The following RRAGB variants were observed in gnomAD, a reference collection of about 807,000 sequenced individuals.
RRAGB encodes the protein ras-related GTP-binding protein B.
RRAGB carries 6 observed loss-of-function variants against 29.3 expected under a neutral mutation model. That is an observed-to-expected ratio of 0.21 (90% CI 0.11 to 0.40). The LOEUF (loss-of-function observed/expected upper bound fraction) is 0.40. Among genes scored for constraint, RRAGB ranks in the 10% least tolerant of loss-of-function variants. The probability of loss-of-function intolerance (pLI) is 1.00; values close to 1 mark genes in which losing one functional copy is unlikely to be tolerated. For missense variants in RRAGB, 184 were observed against 272.9 expected (o/e 0.67, Z 2.29); for synonymous variants, 101 against 92.5 (o/e 1.09, Z -0.53).
intron 5 of RRAGB, among the ~76,000 whole-genome samples, chrX:55,741,668 G>A (rs905947313): frequency 1.8e-5 from 2 of 111,501 alleles, no homozygotes; most frequent in Non-Finnish European, 3.8e-5. Flanking sequence ...AGAAAGACAG[G>A]AAGAGACACA....
At chrX:55,739,518 T>C (rs906636372) in intron 5 of RRAGB, among the ~76,000 whole-genome samples, 7 of 111,988 alleles carry the variant, frequency 6.3e-5, no homozygotes, top group Non-Finnish European at 1.3e-4. Flanking sequence ...ACTGCAGTGC[T>C]GGGTAGGGTT....
chrX:55,748,440 C>T (rs1316255565), intron 5 of RRAGB, among the ~76,000 whole-genome samples: 2 of 108,651 alleles, frequency 1.8e-5, no homozygotes, highest in African/African-American at 3.4e-5. Flanking sequence ...TCTTCCCGGC[C>T]GCCATCCCAT....
intron 6 of RRAGB, among the ~76,000 whole-genome samples, chrX:55,752,768 T>C (rs2034557412): frequency 8.9e-6 from 1 of 112,048 alleles, no homozygotes; most frequent in South Asian, 3.7e-4. Context: ...CTTACATTAG[T>C]CATACTCCTG....
At chrX:55,729,872 G>A (rs1476126675) in intron 4 of RRAGB, among the ~76,000 whole-genome samples, 1 of 112,407 alleles carries the variant, frequency 8.9e-6, no homozygotes, top group Non-Finnish European at 1.9e-5. Flanking sequence ...TACACACACT[G>A]TGGATGTATG....
At chrX:55,755,436 T>C (rs1015298363) in intron 7 of RRAGB, 1 of 746,747 alleles carries the variant, frequency 1.3e-6, no homozygotes, top group South Asian at 6.9e-5. Context: ...GCTTGGCCTT[T>C]ATTAAAATTA....
chrX:55,756,035 T>C (rs1160201445), intron 8 of RRAGB, 103 bp downstream of exon 8: 3 of 531,193 alleles, frequency 5.6e-6, no homozygotes, highest in Non-Finnish European at 9.0e-6. Flanking sequence ...ATATTCAGAA[T>C]AGTTCCTTCA....
At chrX:55,718,619 A>G (rs1403268899) in intron 1 of RRAGB, among the ~76,000 whole-genome samples, 200 bp downstream of exon 1, 3 of 112,027 alleles carry the variant, frequency 2.7e-5, no homozygotes, top group African/African-American at 9.7e-5. Context: ...AACCCTTGGG[A>G]AGGGGCTGAT....
chrX:55,722,467 G>T (rs1473760), intron 3 of RRAGB, among the ~76,000 whole-genome samples, 182 bp downstream of exon 3: 36,088 of 110,251 alleles, frequency 0.33, 4,673 homozygotes, highest in Middle Eastern at 0.47. Context: ...ACTGCTTGCT[G>T]TCTTGGGGGA....
At chrX:55,740,678 G>C (rs768389821) in intron 5 of RRAGB, among the ~76,000 whole-genome samples, 4 of 111,606 alleles carry the variant, frequency 3.6e-5, no homozygotes, top group Non-Finnish European at 7.5e-5. Flanking sequence ...TGTGCGGTCG[G>C]GTGTTGTCAT....
chrX:55,754,623 T>C (rs2034612173), intron 7 of RRAGB, among the ~76,000 whole-genome samples: 1 of 112,366 alleles, frequency 8.9e-6, no homozygotes, highest in Non-Finnish European at 1.9e-5. Context: ...CACAGGAACA[T>C]TGAGCACCCA....
chrX:55,720,042 AG>A (rs1250009149), intron 2 of RRAGB, among the ~76,000 whole-genome samples: 2 of 112,476 alleles, frequency 1.8e-5, no homozygotes, highest in African/African-American at 6.5e-5. Context: ...AGCCTTGGTA[AG>A]TCTTTCATAG....
At chrX:55,719,278 G>A in intron 1 of RRAGB, 36 bp from the exon 2 acceptor site, 1 of 1,140,542 alleles carries the variant, frequency 8.8e-7, no homozygotes, top group Middle Eastern at 2.4e-4. Flanking sequence ...TAAGGGAATT[G>A]GATCATGGAA....
At chrX:55,725,475 TC>T (rs2033445446) in intron 3 of RRAGB, among the ~76,000 whole-genome samples, 1 of 112,154 alleles carries the variant, frequency 8.9e-6, no homozygotes, top group African/African-American at 3.2e-5. Flanking sequence ...TTGATAGTCC[TC>T]TTTATGTAGT....
At chrX:55,757,451 A>G (rs891450023) in intron 9 of RRAGB, 120 bp downstream of exon 9, 20 of 346,004 alleles carry the variant, frequency 5.8e-5, no homozygotes, top group Non-Finnish European at 5.2e-6. Flanking sequence ...TTACATAACA[A>G]TGTGAGGGCA....
At chrX:55,749,188 G>C (rs1218849886) in intron 5 of RRAGB, among the ~76,000 whole-genome samples, 5 of 93,114 alleles carry the variant, frequency 5.4e-5, no homozygotes, top group African/African-American at 1.6e-4. Flanking sequence ...AGGGAAGTGG[G>C]GGGGGTCAGC....
chrX:55,757,415 TA>T (rs2034685598), intron 9 of RRAGB, 84 bp downstream of exon 9: 1 of 466,034 alleles, frequency 2.1e-6, no homozygotes, highest in South Asian at 6.1e-5. Flanking sequence ...ATTAGATACT[TA>T]AAAGCTATTT....
At position 55,731,567 on chromosome X, in the gene RRAGB, A is replaced by G; in HGVS notation, c.497A>G (p.Gln166Arg). The part of the protein sequence containing the change: ...FCLVHKMDLV[Q>R]EDQRDLIFKE... The stretch of plus-strand genomic sequence containing the variant: ...TTGGTACACAAAATGGATCTGGTAC[A>G]GGAGGATCAACGGGACCTGGTAAGA... The change falls in exon 5 of 10, where the codon CAG (glutamine) becomes CGG (arginine). Residue 166 changes from glutamine to arginine, a missense_variant. Gln to Arg is a conservative substitution (Grantham distance 43, BLOSUM62 1). Transcript: ENST00000374941. 2.5e-6 allele frequency: 3 copies of G among 1,194,281 alleles called. No homozygotes were observed. Among genetic ancestry groups the G allele is most frequent in the Non-Finnish European group, 2.3e-6 (2 of 883,967 alleles).
intron 5 of RRAGB, among the ~76,000 whole-genome samples, chrX:55,732,039 T>C (rs1481398707): frequency 8.9e-6 from 1 of 112,086 alleles, no homozygotes; most frequent in Non-Finnish European, 1.9e-5. Flanking sequence ...ATTTCACTGA[T>C]TTACTAGATT....
Position 55,758,272 on chromosome X carries a change from C to T in RRAGB, c.970C>T (p.Arg324Cys). ...TTCTGCAGCTACTCTGATCAACATC[C>T]GCAATGCCAGGAAACACTTTGAAAA... ...IPSAATLINIRNARKHFEKLE... is the reference protein window; with the variant it reads ...IPSAATLINICNARKHFEKLE... The change falls in exon 10 of 10, where the codon CGC (arginine) becomes TGC (cysteine). Residue 324 changes from arginine (R) to cysteine (C), a missense_variant. Transcript: ENST00000374941. 3 of 1,207,633 alleles carry T rather than the reference C, an allele frequency of 2.5e-6. No homozygotes were observed. Among genetic ancestry groups the T allele is most frequent in the Non-Finnish European group, 3.4e-6 (3 of 892,864 alleles).
Sources: gnomAD v4.1 joint callset for allele counts (sites outside exome capture counted in the v4.1 genomes callset) on GRCh38, gnomAD v4.1.1 for gene constraint, MANE v1.5 for transcripts, NCBI Gene and HGNC (gene_info 2026-07-23, HGNC 2026-07-21) for gene names.